Variants in FURIN observed in about 807,000 individuals in gnomAD.
FURIN encodes the protein FES upstream region.
In FURIN, 18 loss-of-function variants were observed where a neutral mutation model predicts 89.2. The ratio of observed to expected loss-of-function variants is 0.20; its 90% confidence interval spans 0.14 to 0.30. The LOEUF is 0.30. Among genes scored for constraint, FURIN ranks in the 10% least tolerant of loss-of-function variants. The probability of loss-of-function intolerance (pLI) is 1.00; values close to 1 mark genes in which losing one functional copy is unlikely to be tolerated. For synonymous variants in FURIN, 508 were observed against 466.4 expected (o/e 1.09, Z -1.15); for missense variants, 879 against 1,100.5 (o/e 0.80, Z 2.85).
chr15:90,870,510 G>A (rs2031234236), intron 1 of FURIN, among the ~76,000 whole-genome samples: 1 of 152,044 alleles, frequency 6.6e-6, no homozygotes, highest in Non-Finnish European at 1.5e-5. Flanking sequence ...GTGTTAAGGA[G>A]GCCACAGGCT....
Position 90,877,686 on chromosome 15 carries a change from T to C in FURIN, c.667+71T>C, listed in dbSNP as rs945745465. The C allele has an allele frequency of 3.8e-6, 4 of 1,063,838 alleles. No homozygotes were observed. In the African/African-American group the frequency reaches 6.3e-5, roughly 17 times the overall value. 65.9% of individuals were successfully genotyped at this position (1,063,838 alleles called of 1,614,324 possible). A position where few individuals can be genotyped will look rare whatever the true frequency, so the allele number is the denominator to read the frequency against. On this transcript the variant is annotated intron_variant, in intron 7 of 15. Transcript: ENST00000268171. ...TGGAATTTTTCCCGCCCACTTCCCA[T>C]CTGGCCAATGCCTGCCACTTTCCCA...
chr15:90,869,919 C>T (rs2031209639), intron 1 of FURIN, among the ~76,000 whole-genome samples: 1 of 152,218 alleles, frequency 6.6e-6, no homozygotes, highest in Admixed American at 6.5e-5. Flanking sequence ...TGAGTCACTT[C>T]CTGCCTCAGT....
intron 1 of FURIN, among the ~76,000 whole-genome samples, chr15:90,870,145 C>CTT (rs2031220170): frequency 6.6e-6 from 1 of 152,212 alleles, no homozygotes. Context: ...ATCCCATTCA[C>CTT]TAAATATTAT....
intron 13 of FURIN, 78 bp downstream of exon 13, chr15:90,880,351 A>T: frequency 8.2e-7 from 1 of 1,224,496 alleles, no homozygotes; most frequent in Non-Finnish European, 1.1e-6. Context: ...GCTCGCTCAC[A>T]CGGCCCAGGG....
At position 90,881,983 on chromosome 15, in the gene FURIN, G is replaced by A. The variant is rs2032008190; in HGVS notation, c.*105G>A. ...ACTGGGTTTGGACCCCAGCTGGGAG[G>A]CAAGAGGGGTGGAGACTGCTTCCCA... On this transcript the variant is annotated 3_prime_UTR_variant, in exon 16 of 16. Transcript: ENST00000268171. This position sits in a 1 kb window ranked among gnomAD's most constrained non-coding sequence, Gnocchi z 4.3. 1.2e-6 allele frequency: 1 copy of A among 836,014 alleles called. No homozygotes were observed. Among genetic ancestry groups the A allele is most frequent in the East Asian group, 2.7e-5 (1 of 37,300 alleles). The allele number at this position is 836,014 out of a possible 1,614,324, so 51.8% of individuals were successfully genotyped here.
At position 90,876,393 on chromosome 15, in the gene FURIN, C is replaced by G. The variant is rs759190861; in HGVS notation, c.276+40C>G. 12 of 1,519,710 alleles carry G rather than the reference C, an allele frequency of 7.9e-6. No homozygotes were observed. Among genetic ancestry groups the G allele is most frequent in the South Asian group, 6.7e-5 (6 of 89,232 alleles). 94.1% of individuals were successfully genotyped at this position (1,519,710 alleles called of 1,614,324 possible). On this transcript the variant is annotated intron_variant, in intron 3 of 15. Coordinates refer to ENST00000268171, the MANE Select transcript of FURIN (RefSeq NM_002569.4). The surrounding 1 kb of genome is among the most constrained non-coding windows in gnomAD (Gnocchi z 5.0). ...AGCCCCCTCCTGCTGCCACCCTCCC[C>G]CTCCTGCTCTCAGGAGCCCCTCTCG...
rs570454027 is a variant in FURIN at position 90,871,186 on chromosome 15, C to T, written c.-160+2475C>T. ...AATTCGTCGCCCAGGAGTGGGGAAG[C>T]GGGGGACGGAGAGGGCCAGTCCCCC... On this transcript the variant is annotated intron_variant, in intron 1 of 15. Transcript: ENST00000268171. Among the ~76,000 whole-genome samples, 83 of 152,254 alleles carry T rather than the reference C, an allele frequency of 5.5e-4. 2 individuals are homozygous for T. The South Asian group carries it at 0.017, about 30-fold the overall frequency.
Position 90,878,781 on chromosome 15 carries a change from C to T in FURIN, c.858C>T (p.Gly286=). The T allele has an allele frequency of 6.2e-7, 1 of 1,606,610 alleles. No individual in the cohort carries two copies. The highest frequency in any genetic ancestry group is 8.5e-7 in the Non-Finnish European group (1 of 1,174,130). The change falls in exon 9 of 16, where the codon GGC becomes GGT. Residue 286 remains glycine (G), a synonymous_variant. Transcript: ENST00000268171. ...GTCCACAGGGCCGAGGGGGGCTGGG[C>T]TCCATCTTTGTCTGGGCCTCGGGGA... The part of the protein sequence containing the change: ...RGVSQGRGGL[G]SIFVWASGNG...
chr15:90,879,021 G>GTTTT, intron 9 of FURIN, 45 bp downstream of exon 9: 4 of 1,279,206 alleles, frequency 3.1e-6, no homozygotes. Flanking sequence ...GGGGCTGCTG[G>GTTTT]CTGGCTCTGT....
intron 1 of FURIN, among the ~76,000 whole-genome samples, chr15:90,871,341 C>T (rs372197008): frequency 1.3e-5 from 2 of 151,838 alleles, no homozygotes; most frequent in Admixed American, 1.3e-4. Context: ...GGCGGGGGCA[C>T]GGCAGCGGGG....
Position 90,881,909 on chromosome 15 carries a change from C to T in FURIN, c.*31C>T, listed in dbSNP as rs1455749358. 1.4e-6 allele frequency: 2 copies of T among 1,453,330 alleles called. No homozygotes were observed. Among genetic ancestry groups the T allele is most frequent in the African/African-American group, 2.8e-5 (2 of 71,056 alleles). 90.0% of individuals were successfully genotyped at this position (1,453,330 alleles called of 1,614,324 possible). Reference sequence around the variant, plus strand: ...CCACTGCCCACCCCCTCAAGCCAATCCCCTCCTTGGGCACTTTTTAATTCA... The same window carrying T: ...CCACTGCCCACCCCCTCAAGCCAATTCCCTCCTTGGGCACTTTTTAATTCA... On this transcript the variant is annotated 3_prime_UTR_variant, in exon 16 of 16. Transcript: ENST00000268171. This position sits in a 1 kb window ranked among gnomAD's most constrained non-coding sequence, Gnocchi z 4.3.
Position 90,876,780 on chromosome 15 carries a change from C to A in FURIN, c.373-116C>A. On this transcript the variant is annotated intron_variant, in intron 4 of 15. Coordinates refer to ENST00000268171, the MANE Select transcript of FURIN (RefSeq NM_002569.4). The surrounding 1 kb of genome is among the most constrained non-coding windows in gnomAD (Gnocchi z 5.0). ...GTCCAGACAGCCAGTGGCGGCCTTT[C>A]AGGAGCAGGGATGGTACAGGAGGAG... 1 of 1,195,800 alleles carries A rather than the reference C, an allele frequency of 8.4e-7. No individual in the cohort carries two copies. Among genetic ancestry groups the A allele is most frequent in the Non-Finnish European group, 1.2e-6 (1 of 830,574 alleles). 74.1% of individuals were successfully genotyped at this position (1,195,800 alleles called of 1,614,324 possible).
chr15:90,870,992 G>GCTACTT lies in FURIN; in HGVS notation c.-160+2284_-160+2289dup, dbSNP rs1458592387. ...AGCTAAAAATATTAAAAGGAGGTGG[G>GCTACTT]CTACTTCTGCTCATATATCCACCTG... On this transcript the variant is annotated intron_variant, in intron 1 of 15. Transcript: ENST00000268171. 3.9e-5 allele frequency among the ~76,000 whole-genome samples: 6 copies of GCTACTT among 152,332 alleles called. No individual in the cohort carries two copies. In the East Asian group the frequency reaches 1.2e-3, roughly 29 times the overall value.
Position 90,875,928 on chromosome 15 carries a change from C to A in FURIN, c.177+11C>A. The A allele has an allele frequency of 1.3e-6, 2 of 1,564,856 alleles. No individual in the cohort carries two copies. On this transcript the variant is annotated intron_variant, in intron 2 of 15. Coordinates refer to ENST00000268171, the MANE Select transcript of FURIN (RefSeq NM_002569.4). Reference sequence around the variant, plus strand: ...CTCAACCTGGGCCAGGTAGGTGTTCCCCCACAGGACACTGCCAGGGGGTGG... The same window carrying A: ...CTCAACCTGGGCCAGGTAGGTGTTCACCCACAGGACACTGCCAGGGGGTGG...
chr15:90,874,398 C>T (rs1193772264), intron 1 of FURIN, among the ~76,000 whole-genome samples: 1 of 152,230 alleles, frequency 6.6e-6, no homozygotes, highest in Non-Finnish European at 1.5e-5. Flanking sequence ...GGCCTCCAGG[C>T]CCAGGCAGGG....
Position 90,876,761 on chromosome 15 carries a change from A to C in FURIN, c.373-135A>C. On this transcript the variant is annotated intron_variant, in intron 4 of 15. Transcript: ENST00000268171. This position sits in a 1 kb window ranked among gnomAD's most constrained non-coding sequence, Gnocchi z 5.0. ...TCCTCTACATTCCCATGGAGTCCAGACAGCCAGTGGCGGCCTTTCAGGAGC... is the reference window on the plus strand; with the variant it reads ...TCCTCTACATTCCCATGGAGTCCAGCCAGCCAGTGGCGGCCTTTCAGGAGC... The C allele has an allele frequency of 2.0e-6, 2 of 1,012,158 alleles. No individual in the cohort carries two copies. The highest frequency in any genetic ancestry group is 4.9e-5 in the East Asian group (2 of 40,696). 62.7% of individuals were successfully genotyped at this position (1,012,158 alleles called of 1,614,324 possible).
intron 5 of FURIN, 32 bp downstream of exon 5, chr15:90,877,056 C>T (rs766218534): frequency 4.3e-6 from 7 of 1,613,584 alleles, no homozygotes; most frequent in East Asian, 2.2e-5. Flanking sequence ...GCCGTGATCC[C>T]TGCTGAGGTG....
Position 90,882,132 on chromosome 15 carries a change from C to T in FURIN, c.*254C>T. 2.1e-6 allele frequency: 1 copy of T among 478,642 alleles called. No homozygotes were observed. Among genetic ancestry groups the T allele is most frequent in the Non-Finnish European group, 3.7e-6 (1 of 268,390 alleles). The allele number at this position is 478,642 out of a possible 1,614,324, so 29.6% of individuals were successfully genotyped here. On this transcript the variant is annotated 3_prime_UTR_variant, in exon 16 of 16. Transcript: ENST00000268171. Reference sequence around the variant, plus strand: ...GAAAGGAGTGAAACCTTTAGGGCAGCTTGCCCCGGCCCCGGCCCCAGCCAG... The same window carrying T: ...GAAAGGAGTGAAACCTTTAGGGCAGTTTGCCCCGGCCCCGGCCCCAGCCAG...
At chr15:90,869,008 G>A (rs886537853) in intron 1 of FURIN, among the ~76,000 whole-genome samples, 1 of 152,322 alleles carries the variant, frequency 6.6e-6, no homozygotes, top group East Asian at 1.9e-4. Flanking sequence ...AGCACCCCAA[G>A]GAGACAACAG....
Sources: gnomAD v4.1 joint callset for allele counts (sites outside exome capture counted in the v4.1 genomes callset) on GRCh38, gnomAD v4.1.1 for gene constraint, Gnocchi (gnomAD v3.1) non-coding constraint, MANE v1.5 for transcripts, NCBI Gene and HGNC (gene_info 2026-07-23, HGNC 2026-07-21) for gene names.